Variants in GRID2 observed in about 807,000 individuals in gnomAD.
The protein encoded by GRID2 is glutamate receptor ionotropic, delta-2.
GRID2 carries 33 observed loss-of-function variants against 114.8 expected under a neutral mutation model. The ratio of observed to expected loss-of-function variants is 0.29; its 90% CI spans 0.22 to 0.38. The LOEUF (loss-of-function observed/expected upper bound fraction) is 0.38. Among genes scored for constraint, GRID2 ranks in the 10% least tolerant of loss-of-function variants. The pLI, the probability that GRID2 is intolerant of heterozygous loss-of-function variation, is 1.00. For synonymous variants in GRID2, 505 were observed against 449.9 expected (o/e 1.12, Z -1.55); for missense variants, 1,184 against 1,257.7 (o/e 0.94, Z 0.89).
intron 4 of GRID2, among the ~76,000 whole-genome samples, chr4:93,124,479 A>G (rs543109639): frequency 6.6e-6 from 1 of 152,338 alleles, no homozygotes; most frequent in East Asian, 1.9e-4. Context: ...TTCCATTTCC[A>G]GACCAAAACC....
intron 11 of GRID2, among the ~76,000 whole-genome samples, chr4:93,458,513 A>G (rs2149416082): frequency 6.6e-6 from 1 of 152,272 alleles, no homozygotes; most frequent in South Asian, 2.1e-4. Flanking sequence ...TGCTTTCTCC[A>G]CAGAGAACAT....
In GRID2 at chr4:92,742,096, G is replaced by A. The variant is rs536911987; in HGVS notation, c.244+151810G>A. On this transcript the variant is annotated intron_variant, in intron 2 of 15. Transcript: ENST00000282020. The stretch of plus-strand genomic sequence containing the variant: ...TACTCTGATATAATATAGGAAAATT[G>A]TCTAAAATATTTGGTTTAAAAATAT... Among the ~76,000 whole-genome samples, 65 of 152,146 alleles carry A rather than the reference G, an allele frequency of 4.3e-4. 1 individual carries two copies. The South Asian group carries it at 7.3e-3, about 17-fold the overall frequency.
intron 2 of GRID2, among the ~76,000 whole-genome samples, chr4:92,635,491 T>A (rs1179251605): frequency 1.3e-5 from 2 of 151,324 alleles, no homozygotes; most frequent in Non-Finnish European, 3.0e-5. Context: ...ATTCGGAAAG[T>A]TTTTTTTTCC....
At chr4:92,994,861 C>T (rs1578702824) in intron 2 of GRID2, among the ~76,000 whole-genome samples, 2 of 152,176 alleles carry the variant, frequency 1.3e-5, no homozygotes, top group African/African-American at 4.8e-5. Flanking sequence ...AGAACCTATG[C>T]TACAGTGTAT....
chr4:92,400,215 A>G (rs1397646115), intron 1 of GRID2, among the ~76,000 whole-genome samples: 1 of 152,150 alleles, frequency 6.6e-6, no homozygotes, highest in African/African-American at 2.4e-5. Context: ...AAACGTTTGT[A>G]TCACTCCAAA....
At chr4:92,541,157 G>T (rs555551791) in intron 1 of GRID2, among the ~76,000 whole-genome samples, 5 of 152,154 alleles carry the variant, frequency 3.3e-5, no homozygotes, top group South Asian at 4.2e-4. Context: ...GTGGGGAGAG[G>T]GGGGAGGGAT....
chr4:92,323,670 CATTCTCACACTGTGCTCTGAAGCT>C lies in GRID2; in HGVS notation c.88+18927_88+18950del, dbSNP rs1324167484. On this transcript the variant is annotated intron_variant, in intron 1 of 15. Coordinates refer to ENST00000282020, the MANE Select transcript of GRID2 (RefSeq NM_001510.4). ...CACATGAAACTGGCTTTGAGAGCAT[CATTCTCACACTGTGCTCTGAAGCT>C]TGCCACCTTCCTCCTTTCTTCTTCT... Among the ~76,000 whole-genome samples the C allele has an allele frequency of 2.6e-5, 4 of 152,180 alleles. No individual in the cohort carries two copies. In the East Asian group the frequency reaches 7.7e-4, roughly 29 times the overall value.
At chr4:92,976,345 A>G (rs1397775956) in intron 2 of GRID2, among the ~76,000 whole-genome samples, 2 of 152,018 alleles carry the variant, frequency 1.3e-5, no homozygotes, top group East Asian at 3.9e-4. Flanking sequence ...TATGATATAT[A>G]TCTCATGCAT....
intron 1 of GRID2, among the ~76,000 whole-genome samples, chr4:92,503,281 A>G (rs1228584626): frequency 2.0e-5 from 3 of 152,038 alleles, no homozygotes; most frequent in Non-Finnish European, 4.4e-5. Context: ...AAATAAGTTT[A>G]GTTTCTCCTT....
At chr4:93,780,833 A>G (rs761328798) in intron 1 of GRID2, among the ~76,000 whole-genome samples, 21 of 152,228 alleles carry the variant, frequency 1.4e-4, no homozygotes, top group Non-Finnish European at 2.8e-4. Context: ...GCAGTTTAGA[A>G]AAAGTAAACT....
intron 2 of GRID2, among the ~76,000 whole-genome samples, chr4:92,646,221 C>T (rs1305240381): frequency 6.6e-6 from 1 of 152,160 alleles, no homozygotes; most frequent in South Asian, 2.1e-4. Context: ...TTATTATGTG[C>T]CACTCAGCTA....
At chr4:92,495,699 G>C (rs1402990636) in intron 1 of GRID2, among the ~76,000 whole-genome samples, 1 of 151,452 alleles carries the variant, frequency 6.6e-6, no homozygotes, top group Admixed American at 6.6e-5. Context: ...AAAATATAAT[G>C]TAATATAAAT....
At chr4:92,395,916 C>A (rs1730470796) in intron 1 of GRID2, among the ~76,000 whole-genome samples, 1 of 151,706 alleles carries the variant, frequency 6.6e-6, no homozygotes. Flanking sequence ...TAGAAAACTA[C>A]ATTTTGTACT....
chr4:93,515,708 T>G (rs942358283), intron 13 of GRID2, among the ~76,000 whole-genome samples: 2 of 152,122 alleles, frequency 1.3e-5, no homozygotes, highest in African/African-American at 2.4e-5. Flanking sequence ...TTTAAAAAAG[T>G]TTTTATAAAT....
At chr4:92,908,291 AT>A (rs1429778915) in intron 2 of GRID2, among the ~76,000 whole-genome samples, 1 of 152,190 alleles carries the variant, frequency 6.6e-6, no homozygotes, top group African/African-American at 2.4e-5. Flanking sequence ...AGCATCAACT[AT>A]TTTAACAATA....
intron 2 of GRID2, among the ~76,000 whole-genome samples, chr4:92,592,478 T>G (rs1728751291): frequency 6.6e-6 from 1 of 152,134 alleles, no homozygotes; most frequent in South Asian, 2.1e-4. Context: ...TACACCTTTT[T>G]TTTTGTTTCA....
At chr4:92,892,148 C>T (rs1746835950) in intron 2 of GRID2, among the ~76,000 whole-genome samples, 1 of 151,872 alleles carries the variant, frequency 6.6e-6, no homozygotes, top group Non-Finnish European at 1.5e-5. Flanking sequence ...ACTGCAACCT[C>T]CGCCTCCAGG....
chr4:93,258,950 A>T lies in GRID2; in HGVS notation c.1245+20460A>T, dbSNP rs1422338532. On this transcript the variant is annotated intron_variant, in intron 8 of 15. Transcript: ENST00000282020. ...TGGGAAAATCTGGCCCCAGGTGAGGAATATTAATAAGGACTGATGTGCTGA... is the reference window on the plus strand; with the variant it reads ...TGGGAAAATCTGGCCCCAGGTGAGGTATATTAATAAGGACTGATGTGCTGA... 6 of 455,494 alleles carry T rather than the reference A, an allele frequency of 1.3e-5. No homozygotes were observed. The highest frequency in any genetic ancestry group is 2.7e-5 in the Non-Finnish European group (6 of 226,304). The allele number at this position is 455,494 out of a possible 1,614,324, so 28.2% of individuals were successfully genotyped here.
chr4:92,598,962 A>G (rs1029090748), intron 2 of GRID2, among the ~76,000 whole-genome samples: 3 of 151,684 alleles, frequency 2.0e-5, no homozygotes, highest in Non-Finnish European at 4.4e-5. Flanking sequence ...TTTTTGCCCA[A>G]ATGGGACTTT....
Sources: gnomAD v4.1 joint callset for allele counts (sites outside exome capture counted in the v4.1 genomes callset) on GRCh38, gnomAD v4.1.1 for gene constraint, MANE v1.5 for transcripts, NCBI Gene and HGNC (gene_info 2026-07-23, HGNC 2026-07-21) for gene names.